BLTP3A: variants seen among roughly 807,000 people sequenced by gnomAD.
BLTP3A encodes ICBP90 binding protein 1.
At chr6:34,832,727 G>C in the BLTP3A span, among the ~76,000 whole-genome samples, 1 of 152,084 alleles carries the variant, frequency 6.6e-6, no homozygotes, top group Non-Finnish European at 1.5e-5. Flanking sequence ...TGGGATTACA[G>C]GTGTGAGTCA....
At chr6:34,827,191 G>A in the BLTP3A span, among the ~76,000 whole-genome samples, 3 of 151,852 alleles carry the variant, frequency 2.0e-5, no homozygotes, top group Non-Finnish European at 2.9e-5. Context: ...CGTGCCTGTA[G>A]TCCCAGCTAC....
chr6:34,836,289 A>G, the BLTP3A span: 1 of 1,614,142 alleles, frequency 6.2e-7, no homozygotes, highest in South Asian at 1.1e-5. Flanking sequence ...TCCTCCTACC[A>G]TCTGCTCATC....
the BLTP3A span, among the ~76,000 whole-genome samples, chr6:34,864,946 C>T: frequency 1.2e-4 from 18 of 151,792 alleles, no homozygotes; most frequent in Admixed American, 8.5e-4. Flanking sequence ...CCAGCCTGGG[C>T]GACAGCGAGA....
chr6:34,806,597 G>C, the BLTP3A span, among the ~76,000 whole-genome samples: 142 of 152,288 alleles, frequency 9.3e-4, no homozygotes, highest in African/African-American at 3.2e-3. Flanking sequence ...TCTTCCTTGG[G>C]CAGTTTTCAA....
the BLTP3A span, chr6:34,877,111 CTAAGTACATGTT>C: frequency 6.6e-6 from 1 of 152,598 alleles, no homozygotes; most frequent in African/African-American, 2.4e-5. Flanking sequence ...TCTCCATTGG[CTAAGTACATGTT>C]TAAAGCCATG....
chr6:34,855,454 G>A, the BLTP3A span, among the ~76,000 whole-genome samples: 1 of 152,194 alleles, frequency 6.6e-6, no homozygotes, highest in Non-Finnish European at 1.5e-5. Context: ...ACTCAAAAGA[G>A]GGCCTCAGCC....
At chr6:34,843,557 TTATC>T in the BLTP3A span, among the ~76,000 whole-genome samples, 11 of 152,312 alleles carry the variant, frequency 7.2e-5, no homozygotes, top group Admixed American at 1.3e-4. Flanking sequence ...GGTAAATCGG[TTATC>T]TATCACCTCA....
the BLTP3A span, among the ~76,000 whole-genome samples, chr6:34,846,547 T>C: frequency 1.3e-5 from 2 of 152,208 alleles, no homozygotes; most frequent in Non-Finnish European, 2.9e-5. Flanking sequence ...GTTACTCTCT[T>C]GATTTCTTTT....
chr6:34,836,050 T>C, the BLTP3A span: 1 of 1,397,264 alleles, frequency 7.2e-7, no homozygotes, highest in Non-Finnish European at 9.7e-7. Flanking sequence ...GGAAGGAACA[T>C]CTTGCTAAAC....
At chr6:34,862,352 G>C in the BLTP3A span, among the ~76,000 whole-genome samples, 4 of 151,820 alleles carry the variant, frequency 2.6e-5, no homozygotes, top group African/African-American at 9.7e-5. Context: ...CTCCAGCCTG[G>C]GTGATAGAGC....
the BLTP3A span, among the ~76,000 whole-genome samples, chr6:34,800,918 G>A: frequency 6.6e-6 from 1 of 151,994 alleles, no homozygotes; most frequent in Admixed American, 6.6e-5. Flanking sequence ...TAGTAGAGAT[G>A]GGGTTTCACC....
the BLTP3A span, among the ~76,000 whole-genome samples, chr6:34,866,411 AG>A: frequency 6.6e-6 from 1 of 152,198 alleles, no homozygotes; most frequent in Admixed American, 6.5e-5. Flanking sequence ...CTCAAAAAAA[AG>A]AAAAAAAAAA....
the BLTP3A span, among the ~76,000 whole-genome samples, chr6:34,829,976 T>TG: frequency 6.6e-6 from 1 of 151,880 alleles, no homozygotes; most frequent in Non-Finnish European, 1.5e-5. Context: ...CACTGATTTT[T>TG]TTGTGTGTGT....
chr6:34,822,530 C>T, the BLTP3A span, among the ~76,000 whole-genome samples: 322 of 152,232 alleles, frequency 2.1e-3, 2 homozygotes, highest in Middle Eastern at 6.8e-3. Context: ...TGAGCCACCG[C>T]GCCTGGCACT....
chr6:34,828,595 C>A, the BLTP3A span, among the ~76,000 whole-genome samples: 2 of 151,916 alleles, frequency 1.3e-5, no homozygotes, highest in African/African-American at 2.4e-5. Flanking sequence ...TTAGCCAGTT[C>A]TCTGTTGATG....
At chr6:34,832,844 G>T in the BLTP3A span, among the ~76,000 whole-genome samples, 1 of 151,778 alleles carries the variant, frequency 6.6e-6, no homozygotes, top group East Asian at 1.9e-4. Context: ...TTTCTCTCTG[G>T]TTTTTGAAGT....
At chr6:34,846,676 A>G in the BLTP3A span, among the ~76,000 whole-genome samples, 1 of 152,066 alleles carries the variant, frequency 6.6e-6, no homozygotes, top group African/African-American at 2.4e-5. Context: ...GAGTCTTTAG[A>G]TTTTTTCAAA....
the BLTP3A span, chr6:34,871,942 A>G: frequency 1.9e-6 from 3 of 1,610,390 alleles, no homozygotes; most frequent in Non-Finnish European, 2.5e-6. Context: ...ACCTAACAGA[A>G]CAGTAGCTGC....
At chr6:34,824,218 A>T in the BLTP3A span, among the ~76,000 whole-genome samples, 7 of 152,096 alleles carry the variant, frequency 4.6e-5, no homozygotes, top group African/African-American at 1.7e-4. Context: ...CTGGAAAAAA[A>T]ATATATTGCT....
Sources: gnomAD v4.1 joint callset for allele counts (sites outside exome capture counted in the v4.1 genomes callset) on GRCh38, gnomAD v4.1.1 for gene constraint, MANE v1.5 for transcripts, NCBI Gene and HGNC (gene_info 2026-07-23, HGNC 2026-07-21) for gene names.